CDC37L1: variants seen among roughly 807,000 people sequenced by gnomAD.
The protein encoded by CDC37L1 is hsp90 co-chaperone Cdc37-like 1.
A neutral mutation model predicts 45.9 loss-of-function variants in CDC37L1; 32 were observed. That is an observed-to-expected ratio of 0.70 (90% confidence interval 0.53 to 0.94). The LOEUF (loss-of-function observed/expected upper bound fraction) is 0.94, where lower values mean the gene tolerates loss of function less well. CDC37L1 is among the 40% of genes least tolerant of loss of function. The pLI, the probability that CDC37L1 is intolerant of heterozygous loss-of-function variation, is 0.00. For synonymous variants in CDC37L1, 150 were observed against 133.0 expected (o/e 1.13, Z -0.88); for missense variants, 434 against 405.7 (o/e 1.07, Z -0.60).
intron 5 of CDC37L1, among the ~76,000 whole-genome samples, 184 bp from the exon 6 acceptor site, chr9:4,701,680 A>G (rs1841397937): frequency 6.6e-6 from 1 of 152,194 alleles, no homozygotes; most frequent in African/African-American, 2.4e-5. Flanking sequence ...CAAACCAATT[A>G]TTAATGTTCC....
chr9:4,693,631 T>C (rs1243443439), intron 3 of CDC37L1, among the ~76,000 whole-genome samples: 2 of 152,186 alleles, frequency 1.3e-5, no homozygotes, highest in Admixed American at 1.3e-4. Flanking sequence ...TTAAAGCATA[T>C]GATTAAAATA....
At chr9:4,703,925 G>A (rs150774650) in intron 6 of CDC37L1, among the ~76,000 whole-genome samples, 1 of 152,220 alleles carries the variant, frequency 6.6e-6, no homozygotes, top group Non-Finnish European at 1.5e-5. Context: ...CCTCATGGTG[G>A]GAGACCAATT....
intron 5 of CDC37L1, among the ~76,000 whole-genome samples, chr9:4,700,803 AAATT>A (rs910627256): frequency 6.6e-6 from 1 of 152,212 alleles, no homozygotes; most frequent in African/African-American, 2.4e-5. Flanking sequence ...TGGCATAAAG[AAATT>A]AAGTAAGTGG....
chr9:4,694,965 C>T (rs1018121118), intron 3 of CDC37L1, among the ~76,000 whole-genome samples: 5 of 152,150 alleles, frequency 3.3e-5, no homozygotes, highest in African/African-American at 1.2e-4. Context: ...GCAAAATAAA[C>T]CAGAATGGAT....
intron 3 of CDC37L1, among the ~76,000 whole-genome samples, chr9:4,690,624 T>G (rs980029656): frequency 2.0e-5 from 3 of 152,216 alleles, no homozygotes; most frequent in East Asian, 3.8e-4. Context: ...CACAGGTGAT[T>G]AATAAGCAAT....
chr9:4,687,350 C>T (rs1486599993), intron 2 of CDC37L1, among the ~76,000 whole-genome samples: 2 of 152,024 alleles, frequency 1.3e-5, no homozygotes, highest in African/African-American at 4.8e-5. Flanking sequence ...CTTTAAAAAT[C>T]AAACTGTTTG....
intron 2 of CDC37L1, among the ~76,000 whole-genome samples, chr9:4,687,074 C>A (rs1244943659): frequency 6.6e-6 from 1 of 151,922 alleles, no homozygotes; most frequent in African/African-American, 2.4e-5. Context: ...TTGGACAGTG[C>A]TGGTCTAGAT....
intron 1 of CDC37L1, among the ~76,000 whole-genome samples, chr9:4,683,639 A>C (rs1008131418): frequency 6.6e-6 from 1 of 152,180 alleles, no homozygotes; most frequent in South Asian, 2.1e-4. Context: ...CAAAGCTAAG[A>C]ATGAAAAAAA....
Position 4,706,063 on chromosome 9 carries a change from C to T in CDC37L1, c.965C>T (p.Ser322Leu), listed in dbSNP as rs764775328. The T allele has an allele frequency of 1.6e-5, 25 of 1,606,942 alleles. No homozygotes were observed. Among genetic ancestry groups the T allele is most frequent in the East Asian group, 6.7e-5 (3 of 44,796 alleles). The part of the protein sequence containing the change: ...SISTALCSLN[S>L]VVHKEDDEPK... Reference sequence around the variant, plus strand: ...AGTACAGCTCTCTGCAGCTTAAACTCGGTGGTACATAAAGAAGATGATGAA... The same window carrying T: ...AGTACAGCTCTCTGCAGCTTAAACTTGGTGGTACATAAAGAAGATGATGAA... The change falls in exon 7 of 7, where the codon TCG (serine) becomes TTG (leucine). Residue 322 changes from serine (S) to leucine (L), a missense_variant. Transcript: ENST00000381854.
At chr9:4,700,193 T>G (rs1363650755) in intron 5 of CDC37L1, among the ~76,000 whole-genome samples, 2 of 152,206 alleles carry the variant, frequency 1.3e-5, no homozygotes, top group African/African-American at 4.8e-5. Context: ...TCCTGCTCTG[T>G]CACTCAGGCT....
intron 5 of CDC37L1, among the ~76,000 whole-genome samples, chr9:4,700,082 C>T (rs1488692911): frequency 1.3e-5 from 2 of 152,068 alleles, no homozygotes; most frequent in African/African-American, 4.8e-5. Flanking sequence ...ATGAAATTTT[C>T]CTGAAACAGT....
chr9:4,680,653 G>A (rs301486), intron 1 of CDC37L1, among the ~76,000 whole-genome samples: 19,262 of 152,076 alleles, frequency 0.13, 1,371 homozygotes, highest in Middle Eastern at 0.19. Context: ...CTATCTTAGG[G>A]GATACTTACA....
intron 5 of CDC37L1, among the ~76,000 whole-genome samples, chr9:4,698,909 C>G (rs1290151758): frequency 1.3e-5 from 2 of 150,716 alleles, no homozygotes; most frequent in African/African-American, 4.9e-5. Context: ...AAAAGCAGCT[C>G]TCTTCTCACT....
chr9:4,705,728 C>G (rs1841435404), intron 6 of CDC37L1, among the ~76,000 whole-genome samples: 1 of 152,072 alleles, frequency 6.6e-6, no homozygotes. Flanking sequence ...GTAGCCTTGC[C>G]TTGTATGATT....
Position 4,684,918 on chromosome 9 carries a change from A to G in CDC37L1, c.174A>G (p.Lys58=). Residue 58 remains lysine, a synonymous_variant, in exon 2 of 7, where the codon AAA becomes AAG. Transcript: ENST00000381854. ...TTGAATTGGCTTGCCAAAAGCAGAA[A>G]GAGTTTGTGAAGAGCTCTGTGGCGT... ...HGIELACQKQ[K]EFVKSSVACK... is the part of the protein sequence containing the mutation. The G allele has an allele frequency of 6.2e-7, 1 of 1,613,788 alleles. No homozygotes were observed. Among genetic ancestry groups the G allele is most frequent in the Non-Finnish European group, 8.5e-7 (1 of 1,179,680 alleles).
chr9:4,703,031 C>T (rs1563773358), intron 6 of CDC37L1: 2 of 1,500,044 alleles, frequency 1.3e-6, no homozygotes, highest in East Asian at 2.5e-5. Flanking sequence ...TAATTCCTAC[C>T]CATTTGATTT....
chr9:4,683,689 T>G (rs1841219489), intron 1 of CDC37L1, among the ~76,000 whole-genome samples: 1 of 152,098 alleles, frequency 6.6e-6, no homozygotes. Context: ...TCCAGTCTAG[T>G]GGAGTGGAGA....
intron 2 of CDC37L1, 110 bp from the exon 3 acceptor site, chr9:4,688,403 C>G: frequency 1.7e-6 from 1 of 604,428 alleles, no homozygotes; most frequent in Non-Finnish European, 2.7e-6. Context: ...CAGTATGATA[C>G]TATACCACAT....
chr9:4,691,170 GTTGT>G (rs1392552165), intron 3 of CDC37L1, among the ~76,000 whole-genome samples: 5 of 152,080 alleles, frequency 3.3e-5, no homozygotes, highest in Non-Finnish European at 7.4e-5. Flanking sequence ...TTTTTTTGTT[GTTGT>G]TTAACTTTTG....
Sources: gnomAD v4.1 joint callset for allele counts (sites outside exome capture counted in the v4.1 genomes callset) on GRCh38, gnomAD v4.1.1 for gene constraint, MANE v1.5 for transcripts, NCBI Gene and HGNC (gene_info 2026-07-23, HGNC 2026-07-21) for gene names.